Variants in USP7 observed in about 807,000 individuals in gnomAD.
USP7 encodes the protein ubiquitin specific peptidase 7.
A neutral mutation model predicts 162.9 loss-of-function variants in USP7; 9 were observed. The ratio of observed to expected loss-of-function variants is 0.06; its 90% CI spans 0.03 to 0.10. The LOEUF is 0.10. Ranked by LOEUF, USP7 falls within the 10% of genes least tolerant of loss-of-function variation. The pLI is 1.00. For synonymous variants in USP7, 562 were observed against 475.9 expected, an observed-to-expected ratio of 1.18 and a Z score of -2.35; for missense variants, 715 against 1,373.7, an observed-to-expected ratio of 0.52 and a Z score of 7.58.
chr16:8,915,399 T>G (rs1438432186), intron 9 of USP7, 46 bp downstream of exon 9: 1 of 1,612,448 alleles, frequency 6.2e-7, no homozygotes, highest in Non-Finnish European at 8.5e-7. Context: ...AAAATTCACA[T>G]TCTAAAACCT....
chr16:8,944,383 G>C (rs1363694222), intron 1 of USP7, among the ~76,000 whole-genome samples: 1 of 152,132 alleles, frequency 6.6e-6, no homozygotes, highest in African/African-American at 2.4e-5. Flanking sequence ...GGCCTGGAAG[G>C]TCCATTTACA....
chr16:8,956,904 C>G (rs1899835459), intron 1 of USP7, among the ~76,000 whole-genome samples: 1 of 152,200 alleles, frequency 6.6e-6, no homozygotes, highest in Non-Finnish European at 1.5e-5. Flanking sequence ...ATGCCCAGCC[C>G]TTCTGGGCAG....
chr16:8,930,962 C>T (rs192814493), intron 1 of USP7, among the ~76,000 whole-genome samples: 3 of 133,088 alleles, frequency 2.3e-5, no homozygotes, highest in Admixed American at 1.7e-4. Flanking sequence ...GGGTGAGACT[C>T]AGTCTCAAAT....
chr16:8,915,870 G>T (rs1897342397), intron 8 of USP7, among the ~76,000 whole-genome samples: 1 of 152,204 alleles, frequency 6.6e-6, no homozygotes, highest in Non-Finnish European at 1.5e-5. Flanking sequence ...AGAGATTAAT[G>T]AGGTTGAGCC....
intron 1 of USP7, among the ~76,000 whole-genome samples, chr16:8,952,347 T>C (rs964321538): frequency 6.6e-6 from 1 of 152,252 alleles, no homozygotes; most frequent in Non-Finnish European, 1.5e-5. Flanking sequence ...ATCCCAGCTC[T>C]GCCACTTGCT....
At chr16:8,937,538 T>C (rs1898818729) in intron 1 of USP7, among the ~76,000 whole-genome samples, 1 of 151,426 alleles carries the variant, frequency 6.6e-6, no homozygotes, top group Admixed American at 6.6e-5. Context: ...TAAAACTCTG[T>C]CTCAAAAAAT....
intron 1 of USP7, among the ~76,000 whole-genome samples, chr16:8,934,724 A>G (rs1345350175): frequency 6.6e-6 from 1 of 152,192 alleles, no homozygotes. Flanking sequence ...TGACAGGTGC[A>G]GAGAAAGTGG....
At chr16:8,902,308 A>G in intron 17 of USP7, 73 bp downstream of exon 17, 1 of 1,572,134 alleles carries the variant, frequency 6.4e-7, no homozygotes, top group Non-Finnish European at 8.7e-7. Context: ...AAAGGGAAAC[A>G]AGCTGCACTA....
intron 14 of USP7, 105 bp from the exon 15 acceptor site, chr16:8,904,670 T>A (rs1387424981): frequency 1.3e-6 from 2 of 1,503,790 alleles, no homozygotes; most frequent in Non-Finnish European, 1.8e-6. Context: ...TAGGCCGGCG[T>A]GGTGGCTTAC....
chr16:8,937,493 G>T (rs1898815274), intron 1 of USP7, among the ~76,000 whole-genome samples: 1 of 152,162 alleles, frequency 6.6e-6, no homozygotes. Context: ...AGTGAACTGA[G>T]ATCACGCCAT....
chr16:8,944,471 TG>T (rs1899189901), intron 1 of USP7, among the ~76,000 whole-genome samples: 1 of 152,194 alleles, frequency 6.6e-6, no homozygotes, highest in Non-Finnish European at 1.5e-5. Context: ...CAAGCCAGTT[TG>T]GGGACTGGGG....
intron 15 of USP7, among the ~76,000 whole-genome samples, chr16:8,904,017 C>A (rs2061820328): frequency 6.6e-6 from 1 of 152,190 alleles, no homozygotes; most frequent in Non-Finnish European, 1.5e-5. Context: ...TTTGAAGCAA[C>A]CTGACGTGCA....
chr16:8,914,130 A>G (rs1312725667), intron 10 of USP7, among the ~76,000 whole-genome samples: 1 of 152,132 alleles, frequency 6.6e-6, no homozygotes, highest in Non-Finnish European at 1.5e-5. Flanking sequence ...TAAAGTATTT[A>G]AACAAGCATT....
chr16:8,903,160 G>T, intron 16 of USP7, 108 bp downstream of exon 16: 1 of 1,429,332 alleles, frequency 7.0e-7, no homozygotes, highest in South Asian at 1.4e-5. Context: ...TTAGGCAGTG[G>T]CTGGACACAG....
chr16:8,896,094 CT>C (rs1245663101), intron 26 of USP7, among the ~76,000 whole-genome samples: 1 of 151,466 alleles, frequency 6.6e-6, no homozygotes, highest in African/African-American at 2.4e-5. Context: ...CCGCCTCGGC[CT>C]CCCGAAGTGC....
intron 1 of USP7, among the ~76,000 whole-genome samples, chr16:8,956,624 C>CCTA (rs1899814299): frequency 6.6e-6 from 1 of 152,068 alleles, no homozygotes; most frequent in Non-Finnish European, 1.5e-5. Context: ...ATTAGCCGGG[C>CCTA]ATGGTAGCGT....
At chr16:8,905,399 G>A in intron 13 of USP7, 68 bp from the exon 14 acceptor site, 1 of 1,582,048 alleles carries the variant, frequency 6.3e-7, no homozygotes, top group South Asian at 1.1e-5. Flanking sequence ...CTAGAAGGCA[G>A]CGTTGTTCTA....
rs2061937544 is a variant in USP7, at chr16:8,910,963, G to A, written c.1079-136C>T. The A allele has an allele frequency of 4.2e-6, 3 of 719,538 alleles. No homozygotes were observed. In the Admixed American group the frequency reaches 7.0e-5, roughly 17 times the overall value. The allele number at this position is 719,538 out of a possible 1,614,324, so 44.6% of individuals were successfully genotyped here. ...CAACACTAACAGTAACTCTCCCCCT[G>A]TAGCCAAGACTGTAGGTAAATGTGC... is the stretch of plus-strand genomic sequence containing the variant. On this transcript the variant is annotated intron_variant, in intron 10 of 30. Coordinates refer to ENST00000344836, the MANE Select transcript of USP7 (RefSeq NM_003470.3).
chr16:8,934,338 G>C lies in USP7; in HGVS notation c.80-3941C>G, dbSNP rs17747945. 1.3e-3 allele frequency among the ~76,000 whole-genome samples: 204 copies of C among 152,322 alleles called. 1 individual carries two copies. In the East Asian group the frequency reaches 0.03, roughly 23 times the overall value. On this transcript the variant is annotated intron_variant, in intron 1 of 30. Coordinates refer to ENST00000344836, the MANE Select transcript of USP7 (RefSeq NM_003470.3). ...GCAGTGAAATCAGACTGAGACACAAGTGAATTCAGATTAGAGCTCAAAGAA... is the reference window on the plus strand; with the variant it reads ...GCAGTGAAATCAGACTGAGACACAACTGAATTCAGATTAGAGCTCAAAGAA...
Sources: gnomAD v4.1 joint callset for allele counts (sites outside exome capture counted in the v4.1 genomes callset) on GRCh38, gnomAD v4.1.1 for gene constraint, MANE v1.5 for transcripts, NCBI Gene and HGNC (gene_info 2026-07-23, HGNC 2026-07-21) for gene names.